The following TRAPPC9 variants were observed in gnomAD, a reference collection of about 807,000 sequenced individuals.
TRAPPC9 encodes IKK2 binding protein.
TRAPPC9 carries 83 observed loss-of-function variants against 124.0 expected under a neutral mutation model. That is an observed-to-expected ratio of 0.67 (90% CI 0.56 to 0.80). TRAPPC9 has a LOEUF of 0.80. Among genes scored for constraint, TRAPPC9 ranks in the 30% least tolerant of loss-of-function variants. TRAPPC9 has a pLI of 0.00. For synonymous variants in TRAPPC9, 638 were observed against 617.5 expected, an observed-to-expected ratio of 1.03 and a Z score of -0.49; for missense variants, 1,302 against 1,508.3, an observed-to-expected ratio of 0.86 and a Z score of 2.27.
At chr8:140,393,963 C>T (rs1471113333) in intron 7 of TRAPPC9, among the ~76,000 whole-genome samples, 1 of 152,124 alleles carries the variant, frequency 6.6e-6, no homozygotes, top group Non-Finnish European at 1.5e-5. Context: ...TGTCCCCGCC[C>T]GCCCAGCATG....
At position 140,076,775 on chromosome 8, in the gene TRAPPC9, A is replaced by G. The variant is rs78514547; in HGVS notation, c.2557-52696T>C. Among the ~76,000 whole-genome samples, 63 of 152,348 alleles carry G rather than the reference A, an allele frequency of 4.1e-4. No individual in the cohort carries two copies. In the East Asian group the frequency reaches 0.011, roughly 27 times the overall value. Reference sequence around the variant, plus strand: ...TATGAGTTCATCCATGCAAGCAACTATCATGCGCCAGTTAAAATTTGTAGT... The same window carrying G: ...TATGAGTTCATCCATGCAAGCAACTGTCATGCGCCAGTTAAAATTTGTAGT... On this transcript the variant is annotated intron_variant, in intron 17 of 22. Transcript: ENST00000438773.
intron 21 of TRAPPC9, among the ~76,000 whole-genome samples, chr8:139,769,241 A>G (rs554925358): frequency 9.2e-5 from 14 of 152,324 alleles, no homozygotes; most frequent in Admixed American, 1.3e-4. Context: ...ATACATACCT[A>G]TGATAAAGTT....
At chr8:140,351,399 A>G (rs1286268302) in intron 9 of TRAPPC9, among the ~76,000 whole-genome samples, 1 of 151,832 alleles carries the variant, frequency 6.6e-6, no homozygotes, top group Non-Finnish European at 1.5e-5. Context: ...TTCCCTAAAC[A>G]ATGCAGTAGA....
chr8:140,072,420 A>G (rs1479627654), intron 17 of TRAPPC9, among the ~76,000 whole-genome samples: 1 of 152,092 alleles, frequency 6.6e-6, no homozygotes, highest in Non-Finnish European at 1.5e-5. Context: ...TAGGAGGCTG[A>G]GGCAGGAGAA....
intron 5 of TRAPPC9, among the ~76,000 whole-genome samples, chr8:140,406,931 C>T (rs937515944): frequency 1.3e-5 from 2 of 152,214 alleles, no homozygotes; most frequent in African/African-American, 2.4e-5. Context: ...CAGCACGACC[C>T]GGTGACATAA....
chr8:139,754,751 C>T (rs1401258367), intron 21 of TRAPPC9, among the ~76,000 whole-genome samples: 2 of 152,208 alleles, frequency 1.3e-5, no homozygotes, highest in African/African-American at 4.8e-5. Context: ...CGCCCCCACC[C>T]CGTGTCACAA....
intron 19 of TRAPPC9, among the ~76,000 whole-genome samples, chr8:139,928,816 C>A (rs1832953855): frequency 6.6e-6 from 1 of 151,156 alleles, no homozygotes; most frequent in South Asian, 2.2e-4. Context: ...CTTGTCTCAC[C>A]CTTTTGTGGG....
intron 18 of TRAPPC9, among the ~76,000 whole-genome samples, chr8:139,989,988 C>T (rs1412772620): frequency 1.3e-5 from 2 of 152,066 alleles, no homozygotes; most frequent in African/African-American, 2.4e-5. Flanking sequence ...TGAGCAGAGG[C>T]CATTCTTCTT....
At chr8:140,334,505 C>A (rs1324074340) in intron 9 of TRAPPC9, among the ~76,000 whole-genome samples, 1 of 152,022 alleles carries the variant, frequency 6.6e-6, no homozygotes, top group South Asian at 2.1e-4. Context: ...CAAAAATTAG[C>A]CAGGCGTGGT....
At chr8:140,294,108 G>C (rs75827379) in intron 11 of TRAPPC9, among the ~76,000 whole-genome samples, 2 of 151,710 alleles carry the variant, frequency 1.3e-5, no homozygotes, top group African/African-American at 2.4e-5. Flanking sequence ...ACTGAGATTC[G>C]AACTCCAGTC....
At chr8:139,875,338 G>A (rs1829252011) in intron 21 of TRAPPC9, among the ~76,000 whole-genome samples, 1 of 152,158 alleles carries the variant, frequency 6.6e-6, no homozygotes, top group Non-Finnish European at 1.5e-5. Context: ...GGTTGCCACA[G>A]GGACGCAGAA....
intron 14 of TRAPPC9, among the ~76,000 whole-genome samples, chr8:140,278,625 A>G (rs1026201343): frequency 6.6e-6 from 1 of 152,202 alleles, no homozygotes; most frequent in Non-Finnish European, 1.5e-5. Flanking sequence ...CACCCTGTGC[A>G]GTGCATCTCT....
intron 17 of TRAPPC9, among the ~76,000 whole-genome samples, chr8:140,204,387 A>G (rs2062870607): frequency 6.8e-6 from 1 of 147,996 alleles, no homozygotes; most frequent in Non-Finnish European, 1.5e-5. Flanking sequence ...AAAACCAAAC[A>G]CTGCATGTTC....
chr8:140,242,188 G>A (rs1009962077), intron 16 of TRAPPC9, among the ~76,000 whole-genome samples: 1 of 152,066 alleles, frequency 6.6e-6, no homozygotes, highest in African/African-American at 2.4e-5. Context: ...AGATTACATA[G>A]AGACTTAGAC....
At chr8:140,058,446 T>TTCA in intron 17 of TRAPPC9, among the ~76,000 whole-genome samples, 1 of 152,338 alleles carries the variant, frequency 6.6e-6, no homozygotes, top group Non-Finnish European at 1.5e-5. Context: ...TATTCATTCA[T>TTCA]TCATTCACTA....
intron 18 of TRAPPC9, among the ~76,000 whole-genome samples, chr8:139,994,219 T>C (rs566456934): frequency 6.6e-6 from 1 of 152,284 alleles, no homozygotes; most frequent in South Asian, 2.1e-4. Context: ...GAGGAGAAGG[T>C]GATGCCAGAG....
intron 17 of TRAPPC9, among the ~76,000 whole-genome samples, chr8:140,180,364 T>C (rs183924694): frequency 6.6e-6 from 1 of 152,170 alleles, no homozygotes; most frequent in East Asian, 1.9e-4. Flanking sequence ...CCATCCTATG[T>C]TTGTCATATT....
chr8:140,189,449 C>T (rs1023673157), intron 17 of TRAPPC9, among the ~76,000 whole-genome samples: 22 of 152,194 alleles, frequency 1.4e-4, no homozygotes, highest in African/African-American at 5.3e-4. Context: ...TTATAAATCA[C>T]GTTACAGTTC....
At chr8:140,356,198 A>C (rs2067738166) in intron 9 of TRAPPC9, among the ~76,000 whole-genome samples, 1 of 152,252 alleles carries the variant, frequency 6.6e-6, no homozygotes. Flanking sequence ...TTAATAAAAA[A>C]AGAAACACAG....
Sources: allele counts gnomAD v4.1 joint callset (sites outside exome capture counted in the v4.1 genomes callset), GRCh38; gene constraint gnomAD v4.1.1; transcripts MANE v1.5; gene names NCBI Gene and HGNC (gene_info 2026-07-23, HGNC 2026-07-21).